Variants in SGCZ observed in about 807,000 individuals in gnomAD.
The protein encoded by SGCZ is zeta-sarcoglycan.
A neutral mutation model predicts 41.3 loss-of-function variants in SGCZ; 40 were observed. The ratio of observed to expected loss-of-function variants is 0.97; its 90% CI spans 0.75 to 1.26. The LOEUF (loss-of-function observed/expected upper bound fraction) is 1.26. Ranked by LOEUF, SGCZ falls within the 50% of genes most tolerant of loss-of-function variation. The pLI, the probability that SGCZ is intolerant of heterozygous loss-of-function variation, is 0.00. For missense variants in SGCZ, 552 were observed against 369.8 expected (o/e 1.49, Z -4.04); for synonymous variants, 206 against 137.5 (o/e 1.50, Z -3.49).
intron 1 of SGCZ, among the ~76,000 whole-genome samples, chr8:14,981,758 A>G (rs1297692537): frequency 6.6e-6 from 1 of 152,192 alleles, no homozygotes; most frequent in Non-Finnish European, 1.5e-5. Flanking sequence ...AGCCCCAAAG[A>G]ACGAGACCCA....
chr8:15,007,303 A>G (rs1802640824), intron 1 of SGCZ, among the ~76,000 whole-genome samples: 1 of 152,236 alleles, frequency 6.6e-6, no homozygotes, highest in African/African-American at 2.4e-5. Flanking sequence ...AGATTGCACA[A>G]AATACCGTCT....
intron 1 of SGCZ, among the ~76,000 whole-genome samples, chr8:14,604,993 C>G (rs1177891542): frequency 6.6e-6 from 1 of 152,174 alleles, no homozygotes; most frequent in Non-Finnish European, 1.5e-5. Flanking sequence ...CATTTACTGT[C>G]TGCTTTTACA....
At chr8:14,636,457 G>T (rs981811804) in intron 1 of SGCZ, among the ~76,000 whole-genome samples, 31 of 151,910 alleles carry the variant, frequency 2.0e-4, no homozygotes, top group African/African-American at 7.5e-4. Context: ...ATGTGACGAT[G>T]AAGAGAAATG....
intron 2 of SGCZ, among the ~76,000 whole-genome samples, chr8:14,461,476 C>G (rs1800899866): frequency 6.6e-6 from 1 of 152,114 alleles, no homozygotes; most frequent in South Asian, 2.1e-4. Flanking sequence ...AATGCAGAAT[C>G]TCAGGCTCTA....
At chr8:14,540,392 T>A (rs952537426) in intron 2 of SGCZ, among the ~76,000 whole-genome samples, 3 of 151,646 alleles carry the variant, frequency 2.0e-5, no homozygotes, top group African/African-American at 7.3e-5. Context: ...TAATACAAAC[T>A]TTCACCTGCC....
At chr8:15,053,149 T>G (rs17120802) in intron 1 of SGCZ, among the ~76,000 whole-genome samples, 1 of 152,166 alleles carries the variant, frequency 6.6e-6, no homozygotes, top group Admixed American at 6.5e-5. Context: ...CTTTCCTATT[T>G]GATGCTTTGA....
intron 1 of SGCZ, among the ~76,000 whole-genome samples, chr8:14,846,132 G>A (rs1352064946): frequency 6.6e-6 from 1 of 152,008 alleles, no homozygotes; most frequent in Non-Finnish European, 1.5e-5. Flanking sequence ...CAAAAATACA[G>A]TAAGGTAGTC....
At chr8:15,175,409 A>G (rs538203055) in intron 1 of SGCZ, among the ~76,000 whole-genome samples, 1 of 152,296 alleles carries the variant, frequency 6.6e-6, no homozygotes, top group South Asian at 2.1e-4. Context: ...GCTGGAGGCC[A>G]TTATCCGTAC....
chr8:15,015,615 G>A (rs1384813604), intron 1 of SGCZ, among the ~76,000 whole-genome samples: 1 of 146,632 alleles, frequency 6.8e-6, no homozygotes, highest in African/African-American at 2.5e-5. Context: ...GTGAACCCGG[G>A]AGGCAGAGCT....
At chr8:15,222,617 A>T (rs527882543) in intron 1 of SGCZ, among the ~76,000 whole-genome samples, 14 of 152,154 alleles carry the variant, frequency 9.2e-5, no homozygotes, top group Non-Finnish European at 2.1e-4. Context: ...TTCATTTTGC[A>T]TTTGTGGTAA....
At chr8:14,574,574 C>A (rs1388967858) in intron 1 of SGCZ, among the ~76,000 whole-genome samples, 1 of 152,194 alleles carries the variant, frequency 6.6e-6, no homozygotes, top group Non-Finnish European at 1.5e-5. Context: ...GCCATCAGCT[C>A]AAACCCTTTC....
intron 3 of SGCZ, among the ~76,000 whole-genome samples, chr8:14,259,173 T>C (rs1799564698): frequency 6.6e-6 from 1 of 152,194 alleles, no homozygotes; most frequent in Admixed American, 6.6e-5. Flanking sequence ...TATGAAGTTT[T>C]CCATTTATGC....
chr8:14,531,835 G>T (rs1021718924), intron 2 of SGCZ, among the ~76,000 whole-genome samples: 1 of 151,968 alleles, frequency 6.6e-6, no homozygotes, highest in Non-Finnish European at 1.5e-5. Context: ...TGTAATTAAT[G>T]TTATCATATG....
intron 1 of SGCZ, among the ~76,000 whole-genome samples, chr8:14,718,265 A>G (rs986868970): frequency 1.6e-4 from 25 of 151,936 alleles, no homozygotes; most frequent in Admixed American, 1.6e-3. Context: ...TTCGTCAGGT[A>G]ATTTTTACAG....
intron 1 of SGCZ, among the ~76,000 whole-genome samples, chr8:15,099,859 C>T (rs1021884563): frequency 6.6e-6 from 1 of 151,816 alleles, no homozygotes; most frequent in Admixed American, 6.6e-5. Flanking sequence ...ATTACATGAT[C>T]ATATCAATAA....
At chr8:14,996,273 C>T (rs1802214808) in intron 1 of SGCZ, among the ~76,000 whole-genome samples, 1 of 152,152 alleles carries the variant, frequency 6.6e-6, no homozygotes, top group African/African-American at 2.4e-5. Context: ...GCATTCTGAA[C>T]CGCATGAAAC....
chr8:14,579,402 C>A (rs1037949398), intron 1 of SGCZ, among the ~76,000 whole-genome samples: 10 of 152,266 alleles, frequency 6.6e-5, no homozygotes, highest in Admixed American at 6.5e-4. Context: ...AACAATGACT[C>A]ACACCCTTAA....
intron 1 of SGCZ, among the ~76,000 whole-genome samples, chr8:14,689,004 T>C (rs1808712163): frequency 6.6e-6 from 1 of 152,124 alleles, no homozygotes; most frequent in African/African-American, 2.4e-5. Flanking sequence ...GAAAAAAATA[T>C]ATTTAAAAAA....
chr8:14,205,052 A>G (rs1251736623), intron 4 of SGCZ, among the ~76,000 whole-genome samples: 1 of 152,192 alleles, frequency 6.6e-6, no homozygotes, highest in Non-Finnish European at 1.5e-5. Flanking sequence ...CTATGCATCA[A>G]GTCTATCTAT....
Sources: gnomAD v4.1 joint callset for allele counts (sites outside exome capture counted in the v4.1 genomes callset) on GRCh38, gnomAD v4.1.1 for gene constraint, MANE v1.5 for transcripts, NCBI Gene and HGNC (gene_info 2026-07-23, HGNC 2026-07-21) for gene names.